The following BMPR1B variants were observed in gnomAD, a reference collection of about 807,000 sequenced individuals.
BMPR1B encodes the protein bone morphogenetic protein receptor type 1B.
BMPR1B carries 12 observed loss-of-function variants against 59.1 expected under a neutral mutation model. The observed-to-expected ratio is 0.20, with a 90% confidence interval of 0.13 to 0.33. The LOEUF (loss-of-function observed/expected upper bound fraction) is 0.33. Among genes scored for constraint, BMPR1B ranks in the 10% least tolerant of loss-of-function variants. The pLI is 1.00. For missense variants in BMPR1B, 550 were observed against 610.9 expected (o/e 0.90, Z 1.05); for synonymous variants, 237 against 207.3 (o/e 1.14, Z -1.23).
At chr4:95,097,376 G>GT (rs1290836222) in intron 3 of BMPR1B, among the ~76,000 whole-genome samples, 3 of 151,636 alleles carry the variant, frequency 2.0e-5, no homozygotes, top group Admixed American at 6.6e-5. Context: ...ATTTTTCTCT[G>GT]TTTTTTTCTT....
chr4:94,797,339 G>A (rs192944319), intron 1 of BMPR1B, among the ~76,000 whole-genome samples: 16 of 152,168 alleles, frequency 1.1e-4, no homozygotes, highest in Non-Finnish European at 2.1e-4. Context: ...CAATGTGTAA[G>A]AGAGAAATAT....
chr4:94,922,339 A>G (rs1373653), intron 2 of BMPR1B, among the ~76,000 whole-genome samples: 40,388 of 151,820 alleles, frequency 0.27, 6,898 homozygotes, highest in African/African-American at 0.48. Context: ...GCGTGTGTGT[A>G]TGAGAGAGAG....
chr4:94,919,797 A>G (rs1448558748), intron 2 of BMPR1B, among the ~76,000 whole-genome samples: 1 of 152,214 alleles, frequency 6.6e-6, no homozygotes, highest in African/African-American at 2.4e-5. Flanking sequence ...TAAATTTTCT[A>G]AAAATGTTAT....
At chr4:94,902,108 A>G (rs535591125) in intron 2 of BMPR1B, among the ~76,000 whole-genome samples, 1 of 140,460 alleles carries the variant, frequency 7.1e-6, no homozygotes, top group Non-Finnish European at 1.5e-5. Flanking sequence ...AAAGGAAACA[A>G]CTTGACTATC....
At chr4:95,098,184 G>A (rs899426376) in intron 3 of BMPR1B, among the ~76,000 whole-genome samples, 2 of 152,082 alleles carry the variant, frequency 1.3e-5, no homozygotes, top group Non-Finnish European at 2.9e-5. Context: ...ATGTTTGTTA[G>A]TCATCTTGAT....
intron 3 of BMPR1B, among the ~76,000 whole-genome samples, chr4:95,044,136 GA>G (rs1725868663): frequency 6.6e-6 from 1 of 152,144 alleles, no homozygotes; most frequent in African/African-American, 2.4e-5. Flanking sequence ...CAAAAGTTTT[GA>G]AATTTTAAAG....
chr4:94,933,885 G>C (rs1409200798), intron 2 of BMPR1B, among the ~76,000 whole-genome samples: 1 of 152,046 alleles, frequency 6.6e-6, no homozygotes, highest in African/African-American at 2.4e-5. Flanking sequence ...CTGAACAAAA[G>C]AAAACGAAAA....
intron 3 of BMPR1B, among the ~76,000 whole-genome samples, chr4:95,067,032 A>ATGC (rs1269264221): frequency 1.3e-5 from 2 of 152,198 alleles, no homozygotes; most frequent in East Asian, 3.8e-4. Context: ...GATTTAATCC[A>ATGC]TGCATCTCTG....
chr4:95,121,992 A>G (rs1484872912), intron 6 of BMPR1B, among the ~76,000 whole-genome samples: 2 of 152,204 alleles, frequency 1.3e-5, no homozygotes, highest in Non-Finnish European at 1.5e-5. Flanking sequence ...TGAATGTATG[A>G]CAGAAGATTC....
At chr4:94,873,567 C>T (rs1274520242) in intron 1 of BMPR1B, among the ~76,000 whole-genome samples, 1 of 151,992 alleles carries the variant, frequency 6.6e-6, no homozygotes, top group Non-Finnish European at 1.5e-5. Flanking sequence ...CCACCATGCC[C>T]AGCTAATATT....
At chr4:94,932,867 A>G (rs1030550061) in intron 2 of BMPR1B, among the ~76,000 whole-genome samples, 1 of 152,104 alleles carries the variant, frequency 6.6e-6, no homozygotes, top group Non-Finnish European at 1.5e-5. Context: ...TGAGAATATC[A>G]CTCAGAAAGT....
intron 3 of BMPR1B, among the ~76,000 whole-genome samples, chr4:95,101,272 G>A (rs1028846121): frequency 2.0e-5 from 3 of 152,106 alleles, no homozygotes; most frequent in African/African-American, 7.2e-5. Context: ...GCAGTAAGAT[G>A]GTACTCCTGC....
chr4:94,791,614 A>G (rs975874533), intron 1 of BMPR1B, among the ~76,000 whole-genome samples: 1 of 152,142 alleles, frequency 6.6e-6, no homozygotes, highest in Non-Finnish European at 1.5e-5. Context: ...ATTGATACTC[A>G]GGCAAATAAG....
intron 1 of BMPR1B, among the ~76,000 whole-genome samples, chr4:94,792,831 C>A (rs73838366): frequency 0.042 from 6,330 of 152,070 alleles, 250 homozygotes; most frequent in African/African-American, 0.1. Context: ...ATAGTGTTCA[C>A]CAAACACCCT....
intron 1 of BMPR1B, among the ~76,000 whole-genome samples, chr4:94,832,479 C>T (rs749941154): frequency 6.6e-6 from 1 of 152,072 alleles, no homozygotes; most frequent in Non-Finnish European, 1.5e-5. Flanking sequence ...AGATTGGTCT[C>T]ATGTAGAAAG....
At chr4:94,974,443 C>G (rs1351164538) in intron 2 of BMPR1B, among the ~76,000 whole-genome samples, 1 of 152,052 alleles carries the variant, frequency 6.6e-6, no homozygotes, top group Non-Finnish European at 1.5e-5. Flanking sequence ...TTCAGGACTC[C>G]TCATGTATCC....
intron 2 of BMPR1B, among the ~76,000 whole-genome samples, chr4:94,966,137 A>T (rs1030701690): frequency 6.6e-6 from 1 of 152,202 alleles, no homozygotes; most frequent in African/African-American, 2.4e-5. Context: ...ACCACATGTT[A>T]AAGTGGCAAT....
At chr4:94,893,761 A>C (rs963730373) in intron 2 of BMPR1B, among the ~76,000 whole-genome samples, 1 of 148,936 alleles carries the variant, frequency 6.7e-6, no homozygotes, top group Non-Finnish European at 1.5e-5. Context: ...GGCAAAATGT[A>C]AATGGATGAT....
intron 1 of BMPR1B, among the ~76,000 whole-genome samples, chr4:94,766,500 C>G (rs1243532474): frequency 6.6e-6 from 1 of 150,828 alleles, no homozygotes; most frequent in Non-Finnish European, 1.5e-5. Flanking sequence ...AGCCCTATAC[C>G]TGTGAGTATA....
Sources: allele counts gnomAD v4.1 joint callset (sites outside exome capture counted in the v4.1 genomes callset), GRCh38; gene constraint gnomAD v4.1.1; transcripts MANE v1.5; gene names NCBI Gene and HGNC (gene_info 2026-07-23, HGNC 2026-07-21).